TBCE: variants seen among roughly 807,000 people sequenced by gnomAD.
TBCE encodes the protein tubulin folding cofactor E.
Under a neutral mutation model 77.0 loss-of-function variants are expected in TBCE, and 53 were observed. The ratio of observed to expected loss-of-function variants is 0.69; its 90% CI spans 0.55 to 0.87. TBCE has a LOEUF of 0.87. Among genes scored for constraint, TBCE ranks in the 40% least tolerant of loss-of-function variants. The pLI is 0.00. For synonymous variants in TBCE, 235 were observed against 241.3 expected, an observed-to-expected ratio of 0.97 and a Z score of 0.24; for missense variants, 624 against 622.4, an observed-to-expected ratio of 1.00 and a Z score of -0.03.
rs1049781362 is a variant in TBCE, at chr1:235,449,572, C to T, written c.*810C>T. The T allele has an allele frequency of 6.6e-6, 1 of 152,402 alleles. No homozygotes were observed. The highest frequency in any genetic ancestry group is 1.5e-5 in the Non-Finnish European group (1 of 68,232). 9.4% of individuals were successfully genotyped at this position (152,402 alleles called of 1,614,324 possible). On this transcript the variant is annotated 3_prime_UTR_variant, in exon 17 of 17. Transcript: ENST00000642610. ...GCAGAAAGAAAATTTGGGTATTAGT[C>T]TACCATATAAATGAACTTCTTTAAA...
chr1:235,388,491 G>C (rs1678175153), intron 2 of TBCE, among the ~76,000 whole-genome samples: 2 of 151,972 alleles, frequency 1.3e-5, no homozygotes, highest in Admixed American at 1.3e-4. Context: ...GTTTCACCAT[G>C]TTGGCCAGGC....
chr1:235,446,155 C>T (rs570269497), intron 15 of TBCE, among the ~76,000 whole-genome samples: 9 of 151,996 alleles, frequency 5.9e-5, no homozygotes, highest in South Asian at 2.1e-4. Context: ...AAATGTAGTA[C>T]GTCAATATAT....
chr1:235,438,124 A>C (rs1010570706), intron 12 of TBCE, among the ~76,000 whole-genome samples: 2 of 152,254 alleles, frequency 1.3e-5, no homozygotes, highest in Non-Finnish European at 2.9e-5. Flanking sequence ...TGTCCTTGCC[A>C]GCACTTTTGT....
chr1:235,396,954 G>GTTTGTTTA (rs1553333556), intron 2 of TBCE, among the ~76,000 whole-genome samples: 3 of 148,460 alleles, frequency 2.0e-5, no homozygotes, highest in African/African-American at 7.4e-5. Flanking sequence ...TTTGTTGATT[G>GTTTGTTTA]TTTATTTATT....
intron 5 of TBCE, among the ~76,000 whole-genome samples, chr1:235,420,882 T>A (rs184503199): frequency 6.6e-6 from 1 of 152,326 alleles, no homozygotes; most frequent in African/African-American, 2.4e-5. Context: ...TGCCTCGGCC[T>A]CCCAAAGTGC....
At chr1:235,396,925 C>T (rs1678757359) in intron 2 of TBCE, among the ~76,000 whole-genome samples, 1 of 151,876 alleles carries the variant, frequency 6.6e-6, no homozygotes, top group Non-Finnish European at 1.5e-5. Flanking sequence ...TTCTCCCATT[C>T]TGTGAGTTGT....
intron 2 of TBCE, among the ~76,000 whole-genome samples, chr1:235,392,040 G>A (rs1406647024): frequency 3.3e-5 from 5 of 152,000 alleles, no homozygotes; most frequent in Admixed American, 1.3e-4. Flanking sequence ...GTGATTCATA[G>A]GTTGGGTATG....
chr1:235,375,348 C>T (rs906764104), intron 1 of TBCE, among the ~76,000 whole-genome samples: 3 of 152,134 alleles, frequency 2.0e-5, no homozygotes, highest in African/African-American at 7.2e-5. Context: ...AAGCCTTAGT[C>T]AGCACCCAGA....
rs751430338 is a variant in TBCE, at chr1:235,419,467, A to G, written c.372-6A>G. 7 of 1,614,076 alleles carry G rather than the reference A, an allele frequency of 4.3e-6. No homozygotes were observed. Among genetic ancestry groups the G allele is most frequent in the Admixed American group, 1.7e-5 (1 of 60,002 alleles). On this transcript the variant is annotated splice_region_variant and splice_polypyrimidine_tract_variant and intron_variant, in intron 4 of 16. Coordinates refer to ENST00000642610, the MANE Select transcript of TBCE (RefSeq NM_003193.5). ...TGTATCCATGTGAACTCTGTTTTTC[A>G]TGCAGTCAGCTGAGCAAGTTGCAAG...
chr1:235,413,331 C>G (rs960563864), intron 3 of TBCE, among the ~76,000 whole-genome samples: 1 of 150,620 alleles, frequency 6.6e-6, no homozygotes, highest in African/African-American at 2.4e-5. Context: ...ACTGCACTCT[C>G]ACCGAGGTGA....
intron 2 of TBCE, among the ~76,000 whole-genome samples, chr1:235,389,072 G>A (rs1462951883): frequency 6.6e-6 from 1 of 152,200 alleles, no homozygotes; most frequent in African/African-American, 2.4e-5. Flanking sequence ...TTTACCAAAA[G>A]CCAGTCCTCC....
chr1:235,434,197 C>T lies in TBCE; in HGVS notation c.661-7C>T. ...CCGCCTGAGCCTGAACCGAGTTTCTCTTCCAGGTGCTGCGGTGTGTCGCGG... is the reference window on the plus strand; with the variant it reads ...CCGCCTGAGCCTGAACCGAGTTTCTTTTCCAGGTGCTGCGGTGTGTCGCGG... On this transcript the variant is annotated splice_polypyrimidine_tract_variant and splice_region_variant and intron_variant, in intron 7 of 16. Coordinates refer to ENST00000642610, the MANE Select transcript of TBCE (RefSeq NM_003193.5). The T allele has an allele frequency of 6.2e-7, 1 of 1,614,098 alleles. No individual in the cohort carries two copies. Among genetic ancestry groups the T allele is most frequent in the Non-Finnish European group, 8.5e-7 (1 of 1,179,974 alleles).
Position 235,450,209 on chromosome 1 carries a change from TCTTG to T in TBCE, c.*1452_*1455del, listed in dbSNP as rs1558404267. 1 of 1,614,156 alleles carries T rather than the reference TCTTG, an allele frequency of 6.2e-7. No homozygotes were observed. Among genetic ancestry groups the T allele is most frequent in the South Asian group, 1.1e-5 (1 of 91,086 alleles). ...ACTCTGCTAATTCAAGTCCCTGTTA[TCTTG>T]CTTGACATCGACAAGGATCACCGCA... On this transcript the variant is annotated 3_prime_UTR_variant, in exon 17 of 17. Transcript: ENST00000642610.
chr1:235,405,894 A>G (rs1679396507), intron 3 of TBCE, among the ~76,000 whole-genome samples: 1 of 152,260 alleles, frequency 6.6e-6, no homozygotes, highest in South Asian at 2.1e-4. Context: ...GGATTTTTTC[A>G]GCTCCAGTGT....
At chr1:235,369,335 C>T (rs147611750) in intron 1 of TBCE, among the ~76,000 whole-genome samples, 12,109 of 151,436 alleles carry the variant, frequency 0.08, 1,135 homozygotes, top group African/African-American at 0.22. Context: ...GGTGAAACCC[C>T]GTCTCTACTA....
chr1:235,417,934 T>C (rs999043645), intron 4 of TBCE, among the ~76,000 whole-genome samples: 2 of 152,230 alleles, frequency 1.3e-5, no homozygotes, highest in South Asian at 4.1e-4. Context: ...CCCCCCACTA[T>C]GCCAGGCTAA....
At position 235,434,270 on chromosome 1, in the gene TBCE, A is replaced by G. The variant is rs1487931996; in HGVS notation, c.727A>G (p.Ile243Val). 3 of 1,613,844 alleles carry G rather than the reference A, an allele frequency of 1.9e-6. No individual in the cohort carries two copies. In the South Asian group the frequency reaches 3.3e-5, roughly 18 times the overall value. Residue 243 changes from isoleucine to valine, a missense_variant, in exon 8 of 17, where the codon ATT becomes GTT. By Grantham distance (29) the Ile-to-Val change is conservative (BLOSUM62 3). Coordinates refer to ENST00000642610, the MANE Select transcript of TBCE (RefSeq NM_003193.5). Reference sequence around the variant, plus strand: ...CTACCTTGAGTCTAACAACATTTTCATTTCCGAAAGGTAACTAGCACTTAC... The same window carrying G: ...CTACCTTGAGTCTAACAACATTTTCGTTTCCGAAAGGTAACTAGCACTTAC... ...ELYLESNNIF[I>V]SERPTDVLQT... is the part of the protein sequence containing the mutation.
intron 3 of TBCE, among the ~76,000 whole-genome samples, chr1:235,404,829 T>A (rs1679322507): frequency 6.6e-6 from 1 of 151,782 alleles, no homozygotes; most frequent in African/African-American, 2.4e-5. Context: ...ACCTGGGTAA[T>A]TTTTGTATTT....
At chr1:235,409,268 T>C (rs1269480915) in intron 3 of TBCE, among the ~76,000 whole-genome samples, 1 of 152,150 alleles carries the variant, frequency 6.6e-6, no homozygotes, top group Non-Finnish European at 1.5e-5. Flanking sequence ...GGAAGGAACC[T>C]GAACAGGCCA....
Sources: allele counts gnomAD v4.1 joint callset (sites outside exome capture counted in the v4.1 genomes callset), GRCh38; gene constraint gnomAD v4.1.1; transcripts MANE v1.5; gene names NCBI Gene and HGNC (gene_info 2026-07-23, HGNC 2026-07-21).